The following HIVEP1 variants were observed in gnomAD, a reference collection of about 807,000 sequenced individuals.
The protein encoded by HIVEP1 is zinc finger protein 40.
In HIVEP1, 36 loss-of-function variants were observed where a neutral mutation model predicts 180.0. That is an observed-to-expected ratio of 0.20 (90% CI 0.15 to 0.26). HIVEP1 has a LOEUF of 0.26. Ranked by LOEUF, HIVEP1 falls within the 10% of genes least tolerant of loss-of-function variation. The pLI, the probability that HIVEP1 is intolerant of heterozygous loss-of-function variation, is 1.00. For missense variants in HIVEP1, 3,143 were observed against 3,268.7 expected (o/e 0.96, Z 0.94); for synonymous variants, 1,239 against 1,239.0 (o/e 1.00, Z 0.00).
rs190891971 is a variant in HIVEP1, at chr6:12,161,809, C to T, written c.6858C>T (p.Asn2286=). The change falls in exon 8 of 9, where the codon AAC becomes AAT. Residue 2286 remains asparagine (N), a synonymous_variant. Coordinates refer to ENST00000379388, the MANE Select transcript of HIVEP1 (RefSeq NM_002114.4). ...KARQRAARDE[N]DTIPSVDTSR... ...GGCAGCGTGCTGCGAGAGATGAAAA[C>T]GACACAATTCCGTCTGTAGACACTT... The T allele has an allele frequency of 6.6e-5, 106 of 1,614,138 alleles. No homozygotes were observed. The Admixed American group carries it at 1.1e-3, about 16-fold the overall frequency.
At chr6:12,029,504 G>C (rs1768797067) in intron 2 of HIVEP1, among the ~76,000 whole-genome samples, 2 of 151,880 alleles carry the variant, frequency 1.3e-5, no homozygotes, top group South Asian at 4.2e-4. Flanking sequence ...TTGTTCCTCT[G>C]TACTTCCTTA....
chr6:12,051,028 A>ATATATATATG (rs1195272910), intron 2 of HIVEP1, among the ~76,000 whole-genome samples: 3 of 136,146 alleles, frequency 2.2e-5, no homozygotes, highest in South Asian at 2.2e-4. Context: ...ATATATATAT[A>ATATATATATG]TATGTATATT....
upstream of HIVEP1, among the ~76,000 whole-genome samples, chr6:12,011,449 G>A (rs1767294472): frequency 6.6e-6 from 1 of 150,642 alleles, no homozygotes; most frequent in Admixed American, 6.6e-5. Flanking sequence ...CCAACTGAGC[G>A]ACCCCGCCAG....
intron 2 of HIVEP1, among the ~76,000 whole-genome samples, chr6:12,036,790 C>T (rs2113661556): frequency 6.6e-6 from 1 of 152,354 alleles, no homozygotes; most frequent in African/African-American, 2.4e-5. Flanking sequence ...CGCCTGTAAT[C>T]CCAGCTACTT....
chr6:12,068,265 T>C (rs1344498193), intron 2 of HIVEP1, among the ~76,000 whole-genome samples: 1 of 152,094 alleles, frequency 6.6e-6, no homozygotes, highest in Non-Finnish European at 1.5e-5. Flanking sequence ...TAATTTTGTA[T>C]TTTTAGTAGA....
At chr6:12,029,181 C>A (rs1209674033) in intron 2 of HIVEP1, among the ~76,000 whole-genome samples, 1 of 152,148 alleles carries the variant, frequency 6.6e-6, no homozygotes, top group Admixed American at 6.5e-5. Context: ...TCTGTGGTTA[C>A]ATAGAGTGTT....
downstream of HIVEP1, among the ~76,000 whole-genome samples, chr6:12,167,789 AAT>A (rs1248959726): frequency 1.4e-5 from 2 of 144,608 alleles, no homozygotes; most frequent in African/African-American, 5.1e-5. Flanking sequence ...GTGCGTATAT[AAT>A]ATATACACAT....
chr6:12,167,630 GT>G (rs1227809393), downstream of HIVEP1, among the ~76,000 whole-genome samples: 36 of 99,090 alleles, frequency 3.6e-4, 1 homozygote, highest in African/African-American at 2.2e-3. Context: ...ATATATACAT[GT>G]TATATATACA....
chr6:12,192,249 A>ATGTG, the HIVEP1 span, among the ~76,000 whole-genome samples: 5 of 151,644 alleles, frequency 3.3e-5, no homozygotes, highest in African/African-American at 1.2e-4. Context: ...TTTCATAGAA[A>ATGTG]TGTGTGTGTG....
At chr6:12,157,299 C>G (rs1581801220) in intron 7 of HIVEP1, among the ~76,000 whole-genome samples, 1 of 151,902 alleles carries the variant, frequency 6.6e-6, no homozygotes, top group Non-Finnish European at 1.5e-5. Context: ...TGTGTTAGAC[C>G]ACCCCTTTTA....
intron 2 of HIVEP1, among the ~76,000 whole-genome samples, chr6:12,074,643 T>TGC (rs1554139007): frequency 0.017 from 2,452 of 148,124 alleles, 49 homozygotes; most frequent in African/African-American, 0.051. Flanking sequence ...TGTGTGTGTG[T>TGC]GCGCGCGCGT....
At chr6:12,113,616 T>C (rs1230651788) in intron 3 of HIVEP1, among the ~76,000 whole-genome samples, 2 of 152,194 alleles carry the variant, frequency 1.3e-5, no homozygotes, top group Non-Finnish European at 2.9e-5. Context: ...TGAATTCCAG[T>C]CTCTTCTGCT....
chr6:12,127,248 C>G (rs1758137259), intron 4 of HIVEP1, among the ~76,000 whole-genome samples: 1 of 152,094 alleles, frequency 6.6e-6, no homozygotes, highest in East Asian at 1.9e-4. Flanking sequence ...AGAGTCTGGC[C>G]TGGTTAAAAA....
chr6:12,191,612 T>C, the HIVEP1 span, among the ~76,000 whole-genome samples: 10 of 151,926 alleles, frequency 6.6e-5, no homozygotes, highest in Admixed American at 1.3e-4. Context: ...AAAATAAAAA[T>C]AAAAATGAAT....
chr6:12,010,666 C>T (rs1045355702), upstream of HIVEP1, among the ~76,000 whole-genome samples: 2 of 151,876 alleles, frequency 1.3e-5, no homozygotes, highest in African/African-American at 4.8e-5. Flanking sequence ...TGAGGTGGCC[C>T]GTTAAACCAG....
chr6:12,102,276 C>A (rs1774156113), intron 3 of HIVEP1, among the ~76,000 whole-genome samples: 1 of 152,268 alleles, frequency 6.6e-6, no homozygotes, highest in South Asian at 2.1e-4. Context: ...CACCCAAGAA[C>A]AACAGAATAC....
intron 8 of HIVEP1, among the ~76,000 whole-genome samples, chr6:12,162,362 C>T (rs925708846): frequency 1.3e-5 from 2 of 152,112 alleles, no homozygotes; most frequent in South Asian, 4.1e-4. Flanking sequence ...TGCACTTTGC[C>T]CCCATTGGCA....
chr6:12,197,668 T>A, the HIVEP1 span, among the ~76,000 whole-genome samples: 1 of 152,054 alleles, frequency 6.6e-6, no homozygotes, highest in East Asian at 1.9e-4. Flanking sequence ...TATTTTAGAC[T>A]GTCTTATGAA....
At chr6:12,136,011 T>C (rs1431641492) in intron 7 of HIVEP1, 119 bp downstream of exon 7, 3 of 573,332 alleles carry the variant, frequency 5.2e-6, no homozygotes, top group Non-Finnish European at 9.4e-6. Context: ...CTCTTATTTA[T>C]ATGCAGTAGA....
Sources: gnomAD v4.1 joint callset for allele counts (sites outside exome capture counted in the v4.1 genomes callset) on GRCh38, gnomAD v4.1.1 for gene constraint, MANE v1.5 for transcripts, NCBI Gene and HGNC (gene_info 2026-07-23, HGNC 2026-07-21) for gene names.